SP140L: variants seen among roughly 807,000 people sequenced by gnomAD.
SP140L encodes the protein SP140 like nuclear body protein.
In SP140L, 64 loss-of-function variants were observed where a neutral mutation model predicts 84.3. That is an observed-to-expected ratio of 0.76 (90% CI 0.62 to 0.94). SP140L has a LOEUF of 0.94. Among genes scored for constraint, SP140L ranks in the 40% least tolerant of loss-of-function variants. SP140L has a pLI of 0.00. For synonymous variants in SP140L, 242 were observed against 236.9 expected (o/e 1.02, Z -0.20); for missense variants, 628 against 692.5 (o/e 0.91, Z 1.05).
At chr2:230,353,262 A>T (rs2060419776) in intron 2 of SP140L, among the ~76,000 whole-genome samples, 1 of 151,994 alleles carries the variant, frequency 6.6e-6, no homozygotes. Flanking sequence ...AATCTTAAGA[A>T]ATTTATTTTC....
chr2:230,331,351 T>G (rs1422488164), intron 2 of SP140L, among the ~76,000 whole-genome samples: 2 of 152,230 alleles, frequency 1.3e-5, no homozygotes, highest in Non-Finnish European at 2.9e-5. Flanking sequence ...TATCTGCAGT[T>G]TCAGGCATCC....
chr2:230,336,024 A>G (rs1028076711), intron 2 of SP140L, among the ~76,000 whole-genome samples: 3 of 152,230 alleles, frequency 2.0e-5, no homozygotes, highest in African/African-American at 7.2e-5. Context: ...TACTATACAG[A>G]TAAGCATAAT....
intron 2 of SP140L, among the ~76,000 whole-genome samples, chr2:230,351,071 T>G (rs1165401747): frequency 1.3e-5 from 2 of 152,210 alleles, no homozygotes; most frequent in African/African-American, 4.8e-5. Context: ...CATTGAAAGT[T>G]CTGCAGTTCT....
Position 230,341,514 on chromosome 2 carries a change from G to A in SP140L, c.107+12683G>A, listed in dbSNP as rs926672272. 3.7e-4 allele frequency among the ~76,000 whole-genome samples: 55 copies of A among 150,508 alleles called. 1 individual carries two copies. The highest frequency in any genetic ancestry group is 1.3e-3 in the African/African-American group (53 of 40,682). On this transcript the variant is annotated intron_variant, in intron 2 of 18. Coordinates refer to ENST00000415673, the MANE Select transcript of SP140L (RefSeq NM_138402.6). ...GCTCGTCAAAGTCATTCTCCATCCAGCTTTGTTCTGTTGCTGGTGAGGAAC... is the reference window on the plus strand; with the variant it reads ...GCTCGTCAAAGTCATTCTCCATCCAACTTTGTTCTGTTGCTGGTGAGGAAC...
rs1370296958 is a variant in SP140L at position 230,338,866 on chromosome 2, A to T, written c.107+10035A>T. Among the ~76,000 whole-genome samples the T allele has an allele frequency of 7.7e-5, 11 of 143,340 alleles. 1 individual carries two copies. The highest frequency in any genetic ancestry group is 2.1e-4 in the Admixed American group (3 of 14,374). 94.0% of individuals were successfully genotyped at this position (143,340 alleles called of 152,430 possible). A position where few individuals can be genotyped will look rare whatever the true frequency, so the allele number is the denominator to read the frequency against. ...GAAGCCCACTTGATCATGGTGGATA[A>T]GCTTTTTGATGTGCTGCTGGATTCG... On this transcript the variant is annotated intron_variant, in intron 2 of 18. Coordinates refer to ENST00000415673, the MANE Select transcript of SP140L (RefSeq NM_138402.6).
intron 12 of SP140L, 88 bp from the exon 13 acceptor site, chr2:230,393,326 T>G (rs1377131648): frequency 5.6e-6 from 8 of 1,418,786 alleles, no homozygotes; most frequent in Middle Eastern, 1.8e-4. Context: ...AACACTCAGG[T>G]AGAAGTATTT....
At chr2:230,398,014 T>A (rs1410248134) in intron 14 of SP140L, among the ~76,000 whole-genome samples, 1 of 152,234 alleles carries the variant, frequency 6.6e-6, no homozygotes, top group Non-Finnish European at 1.5e-5. Flanking sequence ...AATATCCCCA[T>A]GCTTCCATAA....
At chr2:230,376,449 T>G (rs992548028) in intron 7 of SP140L, among the ~76,000 whole-genome samples, 1 of 151,930 alleles carries the variant, frequency 6.6e-6, no homozygotes, top group Non-Finnish European at 1.5e-5. Flanking sequence ...CAATGAACTA[T>G]CCAAAAAGAA....
chr2:230,335,149 C>G (rs1459561204), intron 2 of SP140L, among the ~76,000 whole-genome samples: 3 of 151,940 alleles, frequency 2.0e-5, no homozygotes, highest in African/African-American at 7.3e-5. Flanking sequence ...ATCCATTACT[C>G]TTATTTTTTG....
intron 2 of SP140L, 68 bp downstream of exon 2, chr2:230,328,899 C>T: frequency 1.3e-6 from 2 of 1,536,568 alleles, no homozygotes; most frequent in Admixed American, 2.1e-5. Context: ...AACAGCTTTT[C>T]ATGTTTCTTG....
rs182239607 is a variant in SP140L at position 230,378,123 on chromosome 2, C to T, written c.638-5387C>T. ...GACGTCCTTGTTGAAAGTCAGTTGG[C>T]CATATATGTTTAGGTCTATTACTTG... On this transcript the variant is annotated intron_variant, in intron 7 of 18. Transcript: ENST00000415673. Among the ~76,000 whole-genome samples the T allele has an allele frequency of 7.2e-5, 11 of 152,162 alleles. No individual in the cohort carries two copies. The East Asian group carries it at 1.9e-3, about 27-fold the overall frequency.
At chr2:230,392,250 C>A (rs554027976) in intron 12 of SP140L, 21 bp downstream of exon 12, 2 of 1,612,924 alleles carry the variant, frequency 1.2e-6, no homozygotes, top group Non-Finnish European at 1.7e-6. Flanking sequence ...GACAAGAGGC[C>A]AGACCTGTGC....
chr2:230,391,747 C>A, intron 11 of SP140L: 1 of 233,418 alleles, frequency 4.3e-6, no homozygotes, highest in Admixed American at 4.8e-5. Flanking sequence ...GGTCTCTACT[C>A]CCAGAATTCA....
chr2:230,366,788 C>T (rs529737299), intron 5 of SP140L, among the ~76,000 whole-genome samples: 1 of 150,796 alleles, frequency 6.6e-6, no homozygotes, highest in East Asian at 2.0e-4. Flanking sequence ...GGCTAGATTG[C>T]AGTGGCATGA....
intron 4 of SP140L, among the ~76,000 whole-genome samples, chr2:230,361,269 T>C (rs2060708710): frequency 6.6e-6 from 1 of 152,202 alleles, no homozygotes; most frequent in Admixed American, 6.5e-5. Context: ...TCTTTTATAA[T>C]GGAATCTCTC....
In SP140L at chr2:230,346,376, C is replaced by A. The variant is rs546955758; in HGVS notation, c.108-11429C>A. On this transcript the variant is annotated intron_variant, in intron 2 of 18. Coordinates refer to ENST00000415673, the MANE Select transcript of SP140L (RefSeq NM_138402.6). ...ATTGGTGTAGAATTGTATTGTTGAA[C>A]CTGTTTGGGGAACTTTGGGCCTCAA... Among the ~76,000 whole-genome samples the A allele has an allele frequency of 7.9e-5, 12 of 152,154 alleles. No homozygotes were observed. In the South Asian group the frequency reaches 1.9e-3, roughly 24 times the overall value.
chr2:230,328,126 C>T (rs138231128), intron 1 of SP140L, among the ~76,000 whole-genome samples: 3,623 of 152,184 alleles, frequency 0.024, 147 homozygotes, highest in African/African-American at 0.082. Flanking sequence ...GGCACAATCC[C>T]GGCTCACTGC....
At chr2:230,342,328 G>T (rs1349701565) in intron 2 of SP140L, among the ~76,000 whole-genome samples, 1 of 152,218 alleles carries the variant, frequency 6.6e-6, no homozygotes, top group Non-Finnish European at 1.5e-5. Flanking sequence ...CCCAAGTGAG[G>T]CAATGCCTCG....
Position 230,393,322 on chromosome 2 carries a change from C to T in SP140L, c.1108-92C>T, listed in dbSNP as rs942868513. On this transcript the variant is annotated intron_variant, in intron 12 of 18. Coordinates refer to ENST00000415673, the MANE Select transcript of SP140L (RefSeq NM_138402.6). ...GGGTTTGAGCTGGCATTGGAACACT[C>T]AGGTAGAAGTATTTGGGAAGAGGTT... 107 of 1,396,156 alleles carry T rather than the reference C, an allele frequency of 7.7e-5. No individual in the cohort carries two copies. In the African/African-American group the frequency reaches 1.5e-3, roughly 20 times the overall value. The allele number at this position is 1,396,156 out of a possible 1,614,324, so 86.5% of individuals were successfully genotyped here.
Sources: allele counts gnomAD v4.1 joint callset (sites outside exome capture counted in the v4.1 genomes callset), GRCh38; gene constraint gnomAD v4.1.1; transcripts MANE v1.5; gene names NCBI Gene and HGNC (gene_info 2026-07-23, HGNC 2026-07-21).